COL18A1: variants seen among roughly 807,000 people sequenced by gnomAD.
The protein encoded by COL18A1 is collagen alpha-1(XVIII) chain.
COL18A1 carries 133 observed loss-of-function variants against 168.0 expected under a neutral mutation model. The observed-to-expected ratio is 0.79, with a 90% CI of 0.69 to 0.91. The LOEUF (loss-of-function observed/expected upper bound fraction) is 0.91, where lower values mean the gene tolerates loss of function less well. COL18A1 is among the 40% of genes least tolerant of loss of function. The pLI, the probability that COL18A1 is intolerant of heterozygous loss-of-function variation, is 0.00. For synonymous variants in COL18A1, 949 were observed against 809.0 expected, an observed-to-expected ratio of 1.17 and a Z score of -2.94; for missense variants, 2,126 against 1,925.4, an observed-to-expected ratio of 1.10 and a Z score of -1.95.
rs758364354 is a variant in COL18A1 at position 45,509,425 on chromosome 21, G to A, written c.3319G>A (p.Glu1107Lys). The change falls in exon 39 of 42, where the codon GAG becomes AAG. Residue 1107 changes from glutamate (E) to lysine (K), a missense_variant. Glu to Lys is a moderately conservative substitution (Grantham distance 56). Transcript: ENST00000651438. ...CGACAGCAACCCCTACCCGCGGCGG[G>A]AGCACCCCCACCCCACCGCGCGGCC... Reference protein sequence around the residue: ...LHDSNPYPRREHPHPTARPWR... With the variant: ...LHDSNPYPRRKHPHPTARPWR... 3 of 1,537,564 alleles carry A rather than the reference G, an allele frequency of 2.0e-6. No homozygotes were observed. Among genetic ancestry groups the A allele is most frequent in the Non-Finnish European group, 1.7e-6 (2 of 1,142,860 alleles).
intron 2 of COL18A1, among the ~76,000 whole-genome samples, chr21:45,438,892 C>T (rs1039438712): frequency 6.6e-6 from 1 of 152,206 alleles, no homozygotes; most frequent in Admixed American, 6.5e-5. Flanking sequence ...GATGGCGACC[C>T]GGGGCTCCCT....
chr21:45,406,171 GC>G (rs990603428), intron 2 of COL18A1, among the ~76,000 whole-genome samples: 29 of 152,196 alleles, frequency 1.9e-4, no homozygotes, highest in Non-Finnish European at 5.9e-5. Flanking sequence ...GCTAACCGGG[GC>G]CTCCTGCCTC....
At chr21:45,411,854 C>T (rs897793387) in intron 2 of COL18A1, among the ~76,000 whole-genome samples, 2 of 151,778 alleles carry the variant, frequency 1.3e-5, no homozygotes, top group South Asian at 2.1e-4. Flanking sequence ...CACAGCTCTG[C>T]GGCCCAAACG....
chr21:45,485,323 CT>C (rs1265341986), intron 15 of COL18A1, among the ~76,000 whole-genome samples: 2 of 149,940 alleles, frequency 1.3e-5, no homozygotes, highest in Admixed American at 1.3e-4. Flanking sequence ...TTTATAGGCA[CT>C]TTTTAAAGAT....
intron 2 of COL18A1, chr21:45,456,903 C>A: frequency 1.4e-6 from 2 of 1,411,320 alleles, no homozygotes; most frequent in Non-Finnish European, 1.9e-6. Flanking sequence ...GCCCCGATCT[C>A]CCCACCCTTT....
At position 45,457,540 on chromosome 21, in the gene COL18A1, G is replaced by A. The variant is rs1420214188; in HGVS notation, c.107-10702G>A. Reference sequence around the variant, plus strand: ...GTGTGGCCTGGCCTTGTTGCTGGCTGGACAGTTGGGGGCAGGAAGAGGAGG... The same window carrying A: ...GTGTGGCCTGGCCTTGTTGCTGGCTAGACAGTTGGGGGCAGGAAGAGGAGG... On this transcript the variant is annotated intron_variant, in intron 2 of 41. Coordinates refer to ENST00000651438, the MANE Select transcript of COL18A1 (RefSeq NM_001379500.1). The surrounding 1 kb of genome is among the most constrained non-coding windows in gnomAD (Gnocchi z 4.6). 6.6e-6 allele frequency among the ~76,000 whole-genome samples: 1 copy of A among 152,194 alleles called. No homozygotes were observed. The highest frequency in any genetic ancestry group is 6.5e-5 in the Admixed American group (1 of 15,286).
chr21:45,437,873 C>A (rs111167518), intron 2 of COL18A1, among the ~76,000 whole-genome samples: 1 of 69,628 alleles, frequency 1.4e-5, no homozygotes, highest in Admixed American at 1.3e-4. Context: ...CACTCAGACA[C>A]ACAGGCACTC....
Position 45,475,510 on chromosome 21 carries a change from C to T in COL18A1, c.773C>T (p.Ala258Val), listed in dbSNP as rs771358190. 12 of 1,607,224 alleles carry T rather than the reference C, an allele frequency of 7.5e-6. No homozygotes were observed. ...GACTCTGGCAGCGGGCTCGGGGACG[C>T]CCGGGAGCTTCTCAGGGAGGAGACG... ...SGDSGSGLGD[A>V]RELLREETGA... Residue 258 changes from alanine to valine, a missense_variant, in exon 5 of 42, where the codon GCC becomes GTC. Coordinates refer to ENST00000651438, the MANE Select transcript of COL18A1 (RefSeq NM_001379500.1).
chr21:45,418,870 G>C (rs949683723), intron 2 of COL18A1, among the ~76,000 whole-genome samples: 1 of 152,202 alleles, frequency 6.6e-6, no homozygotes, highest in African/African-American at 2.4e-5. Context: ...CCTCTAGAGG[G>C]GCTTGTGTCA....
chr21:45,494,373 C>T (rs754279771), intron 26 of COL18A1, 172 bp from the exon 27 acceptor site: 52 of 868,456 alleles, frequency 6.0e-5, no homozygotes, highest in Middle Eastern at 3.2e-4. Context: ...GGGCTGCCTG[C>T]GCCTTGGGGA....
In COL18A1 at chr21:45,473,524, T is replaced by C. The variant is rs1196522351; in HGVS notation, c.652-371T>C. Among the ~76,000 whole-genome samples, 2 of 152,040 alleles carry C rather than the reference T, an allele frequency of 1.3e-5. No individual in the cohort carries two copies. The highest frequency in any genetic ancestry group is 2.9e-5 in the Non-Finnish European group (2 of 67,984). The stretch of plus-strand genomic sequence containing the variant: ...GCGTAAAGCTCCCGGGACTTGGGGT[T>C]GGGGGACTTGACCTGCAGCCCCTCG... On this transcript the variant is annotated intron_variant, in intron 3 of 41. Transcript: ENST00000651438. This position sits in a 1 kb window ranked among gnomAD's most constrained non-coding sequence, Gnocchi z 4.0.
rs927442595 is a variant in COL18A1, at chr21:45,498,643, C to A, written c.2683+982C>A. 1 of 699,074 alleles carries A rather than the reference C, an allele frequency of 1.4e-6. No homozygotes were observed. Among genetic ancestry groups the A allele is most frequent in the Non-Finnish European group, 2.7e-6 (1 of 373,194 alleles). 43.3% of individuals were successfully genotyped at this position (699,074 alleles called of 1,614,324 possible). On this transcript the variant is annotated intron_variant, in intron 32 of 41. Transcript: ENST00000651438. The surrounding 1 kb of genome is among the most constrained non-coding windows in gnomAD (Gnocchi z 4.5). ...GAGGCAAAGGCAGGCAGAAAGCAAG[C>A]GGGAAGATGGAAGATGTGCCCATGC...
chr21:45,480,391 G>C (rs967944890), intron 11 of COL18A1, 76 bp from the exon 12 acceptor site: 18 of 1,612,392 alleles, frequency 1.1e-5, no homozygotes, highest in Non-Finnish European at 1.5e-5. Flanking sequence ...TATGCAGCTT[G>C]CGGGGCAGGG....
intron 11 of COL18A1, among the ~76,000 whole-genome samples, 153 bp downstream of exon 11, chr21:45,480,309 C>T (rs1395248302): frequency 6.6e-6 from 1 of 152,176 alleles, no homozygotes; most frequent in Admixed American, 6.5e-5. Flanking sequence ...AGCCCCCATC[C>T]ACCTGCCTTC....
At chr21:45,451,042 G>A (rs764591919) in intron 2 of COL18A1, among the ~76,000 whole-genome samples, 8 of 152,248 alleles carry the variant, frequency 5.3e-5, no homozygotes, top group Non-Finnish European at 1.2e-4. Flanking sequence ...GACTCTGCAG[G>A]ACGGCACCAG....
chr21:45,492,602 G>C, intron 23 of COL18A1, 38 bp downstream of exon 23: 1 of 1,612,694 alleles, frequency 6.2e-7, no homozygotes, highest in South Asian at 1.1e-5. Flanking sequence ...CGGGCCTGCG[G>C]GGACCTGGGT....
intron 2 of COL18A1, among the ~76,000 whole-genome samples, chr21:45,428,448 G>A (rs1012664560): frequency 2.6e-5 from 4 of 152,344 alleles, no homozygotes; most frequent in Admixed American, 6.5e-5. Context: ...GACTGGAAAC[G>A]ATTGGATTCT....
intron 2 of COL18A1, 88 bp downstream of exon 2, chr21:45,405,561 C>G: frequency 1.3e-6 from 1 of 790,546 alleles, no homozygotes; most frequent in Admixed American, 4.8e-5. Context: ...TCCCTCACCC[C>G]CGCCCCGGCC....
chr21:45,475,567 G>C, intron 5 of COL18A1, 32 bp downstream of exon 5: 1 of 1,583,004 alleles, frequency 6.3e-7, no homozygotes, highest in Non-Finnish European at 8.6e-7. Flanking sequence ...AGCCCACGCT[G>C]CAGGGTCCCG....
Sources: gnomAD v4.1 joint callset for allele counts (sites outside exome capture counted in the v4.1 genomes callset) on GRCh38, gnomAD v4.1.1 for gene constraint, Gnocchi (gnomAD v3.1) non-coding constraint, MANE v1.5 for transcripts, NCBI Gene and HGNC (gene_info 2026-07-23, HGNC 2026-07-21) for gene names.